SENP7: variants seen among roughly 807,000 people sequenced by gnomAD.
The protein encoded by SENP7 is SUMO specific peptidase 7.
Under a neutral mutation model 141.2 loss-of-function variants are expected in SENP7, and 64 were observed. The observed-to-expected ratio is 0.45, with a 90% confidence interval of 0.37 to 0.56. The LOEUF (loss-of-function observed/expected upper bound fraction) is 0.56. Ranked by LOEUF, SENP7 falls within the 20% of genes least tolerant of loss-of-function variation. The pLI is 0.00. For synonymous variants in SENP7, 382 were observed against 426.4 expected (o/e 0.90, Z 1.28); for missense variants, 1,025 against 1,212.2 (o/e 0.85, Z 2.29).
In SENP7 at chr3:101,326,087, A is replaced by C. The variant is rs1418264094; in HGVS notation, c.3016-7T>G. ...CAAAGTTAACAATAGGATCCTAATG[A>C]GAGGAAAAAAAGAGTGTAATCACTT... On this transcript the variant is annotated splice_region_variant and splice_polypyrimidine_tract_variant and intron_variant, in intron 23 of 23. Transcript: ENST00000394095. 2 of 1,572,612 alleles carry C rather than the reference A, an allele frequency of 1.3e-6. No individual in the cohort carries two copies. The highest frequency in any genetic ancestry group is 1.7e-6 in the Non-Finnish European group (2 of 1,161,226).
chr3:101,495,303 G>A (rs1405304931), intron 2 of SENP7, among the ~76,000 whole-genome samples: 1 of 152,196 alleles, frequency 6.6e-6, no homozygotes, highest in Non-Finnish European at 1.5e-5. Flanking sequence ...CCACTGCTGG[G>A]ATTGTAAATT....
chr3:101,454,340 C>T (rs193240487), intron 4 of SENP7, among the ~76,000 whole-genome samples: 1 of 152,142 alleles, frequency 6.6e-6, no homozygotes, highest in East Asian at 1.9e-4. Flanking sequence ...AACAAAACCT[C>T]AAATATACAA....
chr3:101,468,324 C>A (rs1287429094), intron 3 of SENP7, among the ~76,000 whole-genome samples: 1 of 152,174 alleles, frequency 6.6e-6, no homozygotes, highest in African/African-American at 2.4e-5. Context: ...CTTAGCAAGG[C>A]AGGCCAACAT....
At chr3:101,505,793 TAAAGC>T (rs927578111) in intron 1 of SENP7, among the ~76,000 whole-genome samples, 5 of 152,192 alleles carry the variant, frequency 3.3e-5, no homozygotes, top group African/African-American at 1.2e-4. Flanking sequence ...TCGTTCAGAT[TAAAGC>T]ATGATAGTCC....
At chr3:101,466,907 G>C (rs1052355562) in intron 3 of SENP7, among the ~76,000 whole-genome samples, 3 of 152,224 alleles carry the variant, frequency 2.0e-5, no homozygotes, top group African/African-American at 7.2e-5. Flanking sequence ...AGTGCAAGGA[G>C]TCAGGGGACT....
intron 10 of SENP7, among the ~76,000 whole-genome samples, chr3:101,364,500 C>T (rs1279143584): frequency 6.6e-6 from 1 of 152,012 alleles, no homozygotes; most frequent in Non-Finnish European, 1.5e-5. Flanking sequence ...CCATAATACT[C>T]CAAGACCAGA....
At chr3:101,389,974 C>G (rs2060765044) in intron 6 of SENP7, among the ~76,000 whole-genome samples, 1 of 152,006 alleles carries the variant, frequency 6.6e-6, no homozygotes, top group African/African-American at 2.4e-5. Flanking sequence ...AATCCCAGCA[C>G]TTTGGGAGGC....
chr3:101,331,458 GACA>G (rs1045462506), intron 19 of SENP7, among the ~76,000 whole-genome samples: 3 of 119,804 alleles, frequency 2.5e-5, no homozygotes, highest in East Asian at 5.0e-4. Flanking sequence ...ACTACACCAA[GACA>G]ACGTCTCTTA....
At chr3:101,357,520 A>C in intron 11 of SENP7, 1 of 1,421,344 alleles carries the variant, frequency 7.0e-7, no homozygotes, top group African/African-American at 1.4e-5. Context: ...AGCAGAGCAT[A>C]AAAGATTCTT....
chr3:101,331,895 A>AC, intron 19 of SENP7, 90 bp downstream of exon 19: 1 of 1,281,410 alleles, frequency 7.8e-7, no homozygotes, highest in Non-Finnish European at 1.1e-6. Flanking sequence ...ATAGTAAATA[A>AC]CTATACTACC....
chr3:101,369,303 G>A (rs569266807), intron 7 of SENP7, among the ~76,000 whole-genome samples: 2 of 152,134 alleles, frequency 1.3e-5, no homozygotes, highest in Non-Finnish European at 2.9e-5. Context: ...TCATCTGACT[G>A]GCCTGACTTT....
At chr3:101,370,532 A>G (rs1294206974) in intron 7 of SENP7, among the ~76,000 whole-genome samples, 1 of 152,198 alleles carries the variant, frequency 6.6e-6, no homozygotes. Flanking sequence ...TCTCTAGATT[A>G]CTTATAATAC....
chr3:101,401,378 A>T (rs2061137161), intron 5 of SENP7, among the ~76,000 whole-genome samples: 1 of 151,796 alleles, frequency 6.6e-6, no homozygotes, highest in African/African-American at 2.4e-5. Context: ...AAAATACAGA[A>T]ATTAGCCAGG....
intron 1 of SENP7, among the ~76,000 whole-genome samples, chr3:101,507,930 T>C (rs1391846148): frequency 6.6e-6 from 1 of 150,596 alleles, no homozygotes; most frequent in African/African-American, 2.4e-5. Flanking sequence ...TCACCTGTAG[T>C]CCTAGCTACT....
rs115543508 is a variant in SENP7 at position 101,383,965 on chromosome 3, A to G, written c.678-11839T>C. On this transcript the variant is annotated intron_variant, in intron 6 of 23. Transcript: ENST00000394095. Reference sequence around the variant, plus strand: ...TATGGTGCTTTCTCCAGGCTGAGCCATGGCTGCCTATGGACCAATAAGCGT... The same window carrying G: ...TATGGTGCTTTCTCCAGGCTGAGCCGTGGCTGCCTATGGACCAATAAGCGT... Among the ~76,000 whole-genome samples, 1,329 of 152,296 alleles carry G rather than the reference A, an allele frequency of 8.7e-3. 19 individuals carry two copies. Among genetic ancestry groups the G allele is most frequent in the African/African-American group, 0.031 (1,279 of 41,566 alleles).
chr3:101,463,304 G>A (rs767031670), intron 3 of SENP7, among the ~76,000 whole-genome samples: 5 of 146,572 alleles, frequency 3.4e-5, no homozygotes, highest in African/African-American at 1.0e-4. Context: ...AGCTATAATC[G>A]TACCACTGCA....
At chr3:101,453,398 A>T (rs1162957133) in intron 4 of SENP7, among the ~76,000 whole-genome samples, 2 of 152,170 alleles carry the variant, frequency 1.3e-5, no homozygotes, top group Non-Finnish European at 2.9e-5. Flanking sequence ...ATCATGCTGC[A>T]ATAAAGACAC....
At chr3:101,450,180 C>A (rs537158564) in intron 4 of SENP7, among the ~76,000 whole-genome samples, 24 of 152,164 alleles carry the variant, frequency 1.6e-4, no homozygotes, top group Admixed American at 1.3e-4. Context: ...AATATATATG[C>A]ACCCAACACA....
intron 3 of SENP7, among the ~76,000 whole-genome samples, chr3:101,465,155 G>A (rs549569086): frequency 1.3e-5 from 2 of 151,882 alleles, no homozygotes; most frequent in South Asian, 2.1e-4. Context: ...GGTGGAGGGG[G>A]CATGAAGGGA....
Sources: gnomAD v4.1 joint callset for allele counts (sites outside exome capture counted in the v4.1 genomes callset) on GRCh38, gnomAD v4.1.1 for gene constraint, MANE v1.5 for transcripts, NCBI Gene and HGNC (gene_info 2026-07-23, HGNC 2026-07-21) for gene names.